Variants in MCPH1 observed in about 807,000 individuals in gnomAD.
MCPH1 encodes the protein microcephalin 1, also known as microcephalin.
A neutral mutation model predicts 84.5 loss-of-function variants in MCPH1; 104 were observed. The ratio of observed to expected loss-of-function variants is 1.23; its 90% CI spans 1.05 to 1.45. The LOEUF is 1.45. MCPH1 is among the 40% of genes most tolerant of loss of function. The pLI is 0.00. For missense variants in MCPH1, 1,498 were observed against 1,005.7 expected, an observed-to-expected ratio of 1.49 and a Z score of -6.62; for synonymous variants, 514 against 366.8, an observed-to-expected ratio of 1.40 and a Z score of -4.58.
chr8:6,555,732 C>G (rs2959765), intron 12 of MCPH1, among the ~76,000 whole-genome samples: 20,051 of 152,044 alleles, frequency 0.13, 3,642 homozygotes, highest in African/African-American at 0.41. Context: ...GAAAGTGCTG[C>G]GATTACAGGC....
intron 11 of MCPH1, among the ~76,000 whole-genome samples, chr8:6,497,352 A>G (rs969860503): frequency 1.3e-5 from 2 of 152,084 alleles, no homozygotes; most frequent in African/African-American, 4.8e-5. Flanking sequence ...AAAAGAAAAA[A>G]ATTAACCAGG....
chr8:6,599,995 T>C (rs1829236433), intron 12 of MCPH1, among the ~76,000 whole-genome samples: 1 of 152,246 alleles, frequency 6.6e-6, no homozygotes, highest in African/African-American at 2.4e-5. Context: ...GTGGTTTTCT[T>C]TCTCTATGTT....
chr8:6,570,048 C>T (rs1826531059), intron 12 of MCPH1, among the ~76,000 whole-genome samples: 2 of 152,242 alleles, frequency 1.3e-5, no homozygotes, highest in African/African-American at 4.8e-5. Context: ...GGAAATCCAA[C>T]ATATTGTCTA....
At chr8:6,519,884 T>C (rs1334671934) in intron 12 of MCPH1, 8 of 1,614,076 alleles carry the variant, frequency 5.0e-6, no homozygotes, top group Non-Finnish European at 6.8e-6. Flanking sequence ...TCTGTAGAAT[T>C]AGGGAATGTT....
chr8:6,623,003 G>GCTTTTCTTT (rs1449807958), intron 13 of MCPH1, among the ~76,000 whole-genome samples: 1 of 135,802 alleles, frequency 7.4e-6, no homozygotes, highest in African/African-American at 2.7e-5. Flanking sequence ...ACGATGCCCA[G>GCTTTTCTTT]CTTTACTTTC....
At chr8:6,543,953 C>T (rs546178451) in intron 12 of MCPH1, among the ~76,000 whole-genome samples, 2 of 152,226 alleles carry the variant, frequency 1.3e-5, no homozygotes, top group South Asian at 2.1e-4. Flanking sequence ...ATGTTTTGCA[C>T]CTTAATCTTT....
chr8:6,569,572 G>T (rs1048091042), intron 12 of MCPH1, among the ~76,000 whole-genome samples: 1 of 152,186 alleles, frequency 6.6e-6, no homozygotes, highest in Non-Finnish European at 1.5e-5. Flanking sequence ...AAACACACAC[G>T]TATAAACATG....
At chr8:6,427,143 G>A (rs1234277543) in intron 3 of MCPH1, among the ~76,000 whole-genome samples, 1 of 152,106 alleles carries the variant, frequency 6.6e-6, no homozygotes, top group Non-Finnish European at 1.5e-5. Context: ...ACATAGAAAA[G>A]GTAGAGTAAA....
chr8:6,553,849 T>C (rs1372964211), intron 12 of MCPH1, among the ~76,000 whole-genome samples: 1 of 152,180 alleles, frequency 6.6e-6, no homozygotes, highest in Non-Finnish European at 1.5e-5. Context: ...AGGATGGCAC[T>C]GGCTGTGGAT....
intron 12 of MCPH1, among the ~76,000 whole-genome samples, chr8:6,548,263 G>T (rs1452644066): frequency 6.6e-6 from 1 of 152,080 alleles, no homozygotes; most frequent in Non-Finnish European, 1.5e-5. Context: ...CTGCACCCTG[G>T]CATTTTCAGG....
At chr8:6,440,867 T>C (rs1357212846) in intron 6 of MCPH1, among the ~76,000 whole-genome samples, 1 of 152,220 alleles carries the variant, frequency 6.6e-6, no homozygotes, top group African/African-American at 2.4e-5. Flanking sequence ...TTACAATCGA[T>C]AGAATTGCCT....
chr8:6,421,399 C>G (rs1431527260), intron 3 of MCPH1, among the ~76,000 whole-genome samples: 1 of 152,136 alleles, frequency 6.6e-6, no homozygotes, highest in East Asian at 1.9e-4. Context: ...TACTTCAACA[C>G]ATGGATCAGC....
rs367830616 is a variant in MCPH1 at position 6,414,821 on chromosome 8, G to C, written c.171G>C (p.Gln57His). The C allele has an allele frequency of 2.5e-6, 4 of 1,613,622 alleles. No homozygotes were observed. In the African/African-American group the frequency reaches 5.3e-5, roughly 22 times the overall value. Reference protein sequence around the residue: ...VTHVIFKDGYQSTWDKAQKRG... With the variant: ...VTHVIFKDGYHSTWDKAQKRG... Reference sequence around the variant, plus strand: ...ACGTTATCTTCAAAGATGGCTACCAGAGCACTTGGGACAAAGCTCAGAAGA... The same window carrying C: ...ACGTTATCTTCAAAGATGGCTACCACAGCACTTGGGACAAAGCTCAGAAGA... Residue 57 changes from glutamine (Q) to histidine (H), a missense_variant, in exon 3 of 14, where the codon CAG (glutamine) becomes CAC (histidine). Physicochemically the swap from Gln to His is conservative, Grantham distance 24. Transcript: ENST00000344683.
chr8:6,623,561 G>A (rs955673686), intron 13 of MCPH1, among the ~76,000 whole-genome samples: 11 of 151,744 alleles, frequency 7.2e-5, no homozygotes, highest in African/African-American at 2.4e-4. Context: ...ATCTAACTAC[G>A]GACATTTTAC....
At chr8:6,484,739 C>T (rs954983621) in intron 11 of MCPH1, among the ~76,000 whole-genome samples, 8 of 152,250 alleles carry the variant, frequency 5.3e-5, no homozygotes, top group African/African-American at 1.9e-4. Flanking sequence ...TCAGGGGCAT[C>T]ATGCCAAGTT....
At chr8:6,477,007 T>G (rs1036642569) in intron 9 of MCPH1, among the ~76,000 whole-genome samples, 1 of 152,186 alleles carries the variant, frequency 6.6e-6, no homozygotes, top group Non-Finnish European at 1.5e-5. Context: ...TTAAATTTTT[T>G]GCAAGTCAGC....
In MCPH1 at chr8:6,561,266, GA is replaced by G. The variant is rs1248705141; in HGVS notation, c.2215-60187del. ...AGGAGCTTAAAAAGACATTGCTAGT[GA>G]GTTTTATGTCACATGAAATCTACAT... On this transcript the variant is annotated intron_variant, in intron 12 of 13. Transcript: ENST00000344683. Among the ~76,000 whole-genome samples the G allele has an allele frequency of 2.0e-5, 3 of 152,342 alleles. No individual in the cohort carries two copies. In the East Asian group the frequency reaches 5.8e-4, roughly 29 times the overall value.
intron 3 of MCPH1, 47 bp from the exon 4 acceptor site, chr8:6,431,452 A>T (rs772411618): frequency 3.6e-6 from 5 of 1,404,630 alleles, no homozygotes; most frequent in Non-Finnish European, 1.0e-6. Flanking sequence ...GTGTCAATGT[A>T]TAATAGAAGC....
intron 12 of MCPH1, among the ~76,000 whole-genome samples, chr8:6,597,750 C>A (rs951587735): frequency 9.2e-5 from 14 of 152,328 alleles, no homozygotes; most frequent in South Asian, 6.2e-4. Context: ...CATCCTCACA[C>A]CTCACTGCGC....
Sources: allele counts gnomAD v4.1 joint callset (sites outside exome capture counted in the v4.1 genomes callset), GRCh38; gene constraint gnomAD v4.1.1; transcripts MANE v1.5; gene names NCBI Gene and HGNC (gene_info 2026-07-23, HGNC 2026-07-21).